MAP6: variants seen among roughly 807,000 people sequenced by gnomAD.
The protein encoded by MAP6 is microtubule-associated protein 6.
A neutral mutation model predicts 42.4 loss-of-function variants in MAP6; 26 were observed. The ratio of observed to expected loss-of-function variants is 0.61; its 90% CI spans 0.45 to 0.85. MAP6 has a LOEUF of 0.85. Among genes scored for constraint, MAP6 ranks in the 40% least tolerant of loss-of-function variants. The pLI is 0.00. For missense variants in MAP6, 966 were observed against 1,099.0 expected (o/e 0.88, Z 1.71); for synonymous variants, 418 against 443.8 (o/e 0.94, Z 0.73).
rs114620548 is a variant in MAP6 at position 75,625,667 on chromosome 11, C to A, written c.906-17345G>T. Among the ~76,000 whole-genome samples, 717 of 152,304 alleles carry A rather than the reference C, an allele frequency of 4.7e-3. 5 individuals are homozygous for A. The highest frequency in any genetic ancestry group is 0.016 in the African/African-American group (678 of 41,550). On this transcript the variant is annotated intron_variant, in intron 1 of 3. Transcript: ENST00000304771. ...GATCTGACACTTTCCTACTGTTCTA[C>A]AGCAATCAGTTTCTGTACAGAAAAC...
chr11:75,666,825 T>C (rs1282737125), intron 1 of MAP6, among the ~76,000 whole-genome samples: 3 of 152,184 alleles, frequency 2.0e-5, no homozygotes, highest in Admixed American at 6.5e-5. Flanking sequence ...GATAAGAACA[T>C]GAGGCCCAGA....
intron 1 of MAP6, among the ~76,000 whole-genome samples, chr11:75,659,278 T>C (rs1943802774): frequency 6.6e-6 from 1 of 152,148 alleles, no homozygotes; most frequent in Non-Finnish European, 1.5e-5. Context: ...GGTCAGGAGT[T>C]CGAGACCAGC....
In MAP6 at chr11:75,667,895, C is replaced by A; in HGVS notation, c.475G>T (p.Asp159Tyr). 2 of 1,439,610 alleles carry A rather than the reference C, an allele frequency of 1.4e-6. No individual in the cohort carries two copies. The highest frequency in any genetic ancestry group is 1.4e-5 in the South Asian group (1 of 69,748). The allele number at this position is 1,439,610 out of a possible 1,614,324, so 89.2% of individuals were successfully genotyped here. ...PFERETQYQK[D>Y]FRAWPLPRRG... is the part of the protein sequence containing the mutation. ...CGCGGCAGCGGCCAGGCGCGGAAGT[C>A]CTTCTGGTACTGGGTCTCGCGCTCG... The change falls in exon 1 of 4, where the codon GAC becomes TAC. Residue 159 changes from aspartate to tyrosine, a missense_variant. Coordinates refer to ENST00000304771, the MANE Select transcript of MAP6 (RefSeq NM_033063.2). This position sits in a 1 kb window ranked among gnomAD's most constrained non-coding sequence, Gnocchi z 5.6.
intron 3 of MAP6, among the ~76,000 whole-genome samples, chr11:75,591,395 G>A (rs1204147332): frequency 6.6e-6 from 1 of 152,148 alleles, no homozygotes; most frequent in Non-Finnish European, 1.5e-5. Flanking sequence ...GAAACTGCAC[G>A]CAAGGGCACC....
rs1943314853 is a variant in MAP6 at position 75,633,384 on chromosome 11, C to T, written c.906-25062G>A. Among the ~76,000 whole-genome samples the T allele has an allele frequency of 2.6e-5, 4 of 152,170 alleles. No homozygotes were observed. In the South Asian group the frequency reaches 8.3e-4, roughly 32 times the overall value. On this transcript the variant is annotated intron_variant, in intron 1 of 3. Coordinates refer to ENST00000304771, the MANE Select transcript of MAP6 (RefSeq NM_033063.2). ...CTGTCAAGTAAGTATTTCATGAGGA[C>T]ATGCTAGTGAGAGATGCTAAAAAAT... is the stretch of plus-strand genomic sequence containing the variant.
At chr11:75,597,150 A>T (rs1028145028) in intron 3 of MAP6, 1 of 152,214 alleles carries the variant, frequency 6.6e-6, no homozygotes, top group Admixed American at 6.5e-5. Context: ...AGGCCAAGTA[A>T]AGGTTCATTC....
At chr11:75,607,247 C>T (rs1259682137) in intron 2 of MAP6, 1 of 985,446 alleles carries the variant, frequency 1.0e-6, no homozygotes, top group Non-Finnish European at 1.2e-6. Context: ...ATAGGAAACT[C>T]CACTGAAGTG....
At chr11:75,666,495 TG>T (rs1943949479) in intron 1 of MAP6, among the ~76,000 whole-genome samples, 15 of 151,814 alleles carry the variant, frequency 9.9e-5, no homozygotes, top group Admixed American at 9.8e-4. Context: ...CTGGAGAACA[TG>T]TAGGGAAAGG....
chr11:75,627,792 G>C (rs915461655), intron 1 of MAP6, among the ~76,000 whole-genome samples: 10 of 152,146 alleles, frequency 6.6e-5, no homozygotes, highest in African/African-American at 2.4e-4. Flanking sequence ...ACAGCAATAA[G>C]TAGAGATGTT....
At chr11:75,664,368 G>A (rs1943910219) in intron 1 of MAP6, among the ~76,000 whole-genome samples, 1 of 152,200 alleles carries the variant, frequency 6.6e-6, no homozygotes, top group African/African-American at 2.4e-5. Context: ...GGTATCTAAT[G>A]TTATTTATGA....
chr11:75,589,156 C>T (rs1282500983), intron 3 of MAP6, among the ~76,000 whole-genome samples: 1 of 152,228 alleles, frequency 6.6e-6, no homozygotes, highest in East Asian at 1.9e-4. Flanking sequence ...CCCTCACCAA[C>T]TTCCAGGCTC....
In MAP6 at chr11:75,667,719, C is replaced by G. The variant is rs998513160; in HGVS notation, c.651G>C (p.Ala217=). 8 of 1,289,216 alleles carry G rather than the reference C, an allele frequency of 6.2e-6. No homozygotes were observed. The African/African-American group carries it at 1.1e-4, about 17-fold the overall frequency. The allele number at this position is 1,289,216 out of a possible 1,614,324, so 79.9% of individuals were successfully genotyped here. ...QAAAEAREQE[A]APGGAGGLAA... ...CCAGGCCACCCGCTCCGCCGGGGGCCGCCTCCTGCTCCCGGGCCTCAGCGG... is the reference window on the plus strand; with the variant it reads ...CCAGGCCACCCGCTCCGCCGGGGGCGGCCTCCTGCTCCCGGGCCTCAGCGG... Residue 217 remains alanine (A), a synonymous_variant, in exon 1 of 4, where the codon GCG becomes GCC. Transcript: ENST00000304771. The surrounding 1 kb of genome is among the most constrained non-coding windows in gnomAD (Gnocchi z 5.6).
chr11:75,604,322 G>C, intron 3 of MAP6: 4 of 985,720 alleles, frequency 4.1e-6, no homozygotes, highest in Non-Finnish European at 4.8e-6. Flanking sequence ...GAGTAAGAGA[G>C]AGTTCGTGGA....
intron 3 of MAP6, among the ~76,000 whole-genome samples, chr11:75,597,768 T>C (rs1316304009): frequency 4.6e-5 from 7 of 152,168 alleles, no homozygotes; most frequent in Admixed American, 4.6e-4. Flanking sequence ...TTATAGGGTG[T>C]GCTTAGAGAG....
intron 1 of MAP6, among the ~76,000 whole-genome samples, chr11:75,643,186 A>G (rs1237490470): frequency 6.6e-6 from 1 of 151,250 alleles, no homozygotes; most frequent in Non-Finnish European, 1.5e-5. Flanking sequence ...CACATCCACT[A>G]TGTTACTAAA....
intron 1 of MAP6, among the ~76,000 whole-genome samples, chr11:75,659,450 C>A (rs1461601351): frequency 6.6e-6 from 1 of 152,170 alleles, no homozygotes; most frequent in Non-Finnish European, 1.5e-5. Flanking sequence ...CCACTGTACT[C>A]CAGCCTGGGC....
chr11:75,615,316 A>G lies in MAP6; in HGVS notation c.906-6994T>C, dbSNP rs115389765. Among the ~76,000 whole-genome samples, 447 of 152,324 alleles carry G rather than the reference A, an allele frequency of 2.9e-3. 1 individual carries two copies. The highest frequency in any genetic ancestry group is 0.01 in the African/African-American group (421 of 41,568). ...GATTTACATACGGCCTACTCATAGA[A>G]TTGATGTGGGGGTTAAATAAGAAAG... On this transcript the variant is annotated intron_variant, in intron 1 of 3. Transcript: ENST00000304771.
Position 75,667,442 on chromosome 11 carries a change from C to T in MAP6, c.905+23G>A, listed in dbSNP as rs760381651. The T allele has an allele frequency of 1.7e-5, 24 of 1,453,834 alleles. No individual in the cohort carries two copies. In the Admixed American group the frequency reaches 6.1e-4, roughly 37 times the overall value. The allele number at this position is 1,453,834 out of a possible 1,614,324, so 90.1% of individuals were successfully genotyped here. Reference sequence around the variant, plus strand: ...GAGGGTCTGCGTGGTGACTCCCCCGCGCTAGCAGCGGCCGCGTCTCACCTG... The same window carrying T: ...GAGGGTCTGCGTGGTGACTCCCCCGTGCTAGCAGCGGCCGCGTCTCACCTG... On this transcript the variant is annotated intron_variant, in intron 1 of 3. Transcript: ENST00000304771. The surrounding 1 kb of genome is among the most constrained non-coding windows in gnomAD (Gnocchi z 5.6).
At chr11:75,591,769 TG>T (rs1243055311) in intron 3 of MAP6, among the ~76,000 whole-genome samples, 4 of 152,376 alleles carry the variant, frequency 2.6e-5, no homozygotes, top group African/African-American at 9.6e-5. Context: ...GTTTCTGTGC[TG>T]CTTATTGCCT....
Sources: allele counts gnomAD v4.1 joint callset (sites outside exome capture counted in the v4.1 genomes callset), GRCh38; gene constraint gnomAD v4.1.1; non-coding constraint Gnocchi (gnomAD v3.1); transcripts MANE v1.5; gene names NCBI Gene and HGNC (gene_info 2026-07-23, HGNC 2026-07-21).